Variants in MGAT4C observed in about 807,000 individuals in gnomAD.
MGAT4C encodes alpha-1,3-mannosyl-glycoprotein 4-beta-N-acetylglucosaminyltransferase C.
Under a neutral mutation model 40.1 loss-of-function variants are expected in MGAT4C, and 19 were observed. The ratio of observed to expected loss-of-function variants is 0.47; its 90% CI spans 0.33 to 0.70. The LOEUF (loss-of-function observed/expected upper bound fraction) is 0.70. MGAT4C is among the 30% of genes least tolerant of loss of function. MGAT4C has a pLI of 0.02. For missense variants in MGAT4C, 491 were observed against 563.2 expected (o/e 0.87, Z 1.30); for synonymous variants, 181 against 187.1 (o/e 0.97, Z 0.27).
At chr12:86,306,988 A>G (rs1953948982) in intron 4 of MGAT4C, among the ~76,000 whole-genome samples, 1 of 150,528 alleles carries the variant, frequency 6.6e-6, no homozygotes, top group Non-Finnish European at 1.5e-5. Flanking sequence ...TTTTAATAAG[A>G]AAAACTTACA....
chr12:86,272,507 AT>A (rs912219866), intron 4 of MGAT4C, among the ~76,000 whole-genome samples: 91 of 150,832 alleles, frequency 6.0e-4, no homozygotes, highest in Non-Finnish European at 1.0e-3. Context: ...CCTAAGAGAG[AT>A]TTTTTTTTTC....
intron 4 of MGAT4C, among the ~76,000 whole-genome samples, chr12:86,269,318 G>C (rs1351841180): frequency 1.3e-5 from 2 of 150,652 alleles, no homozygotes; most frequent in Non-Finnish European, 3.0e-5. Flanking sequence ...CTGAGATATG[G>C]GCTCATTTCT....
At chr12:86,363,432 A>T (rs1248625463) in intron 3 of MGAT4C, among the ~76,000 whole-genome samples, 1 of 152,180 alleles carries the variant, frequency 6.6e-6, no homozygotes, top group African/African-American at 2.4e-5. Context: ...ATAAAAATGC[A>T]ACATAAAATG....
chr12:86,632,691 G>A (rs1963097015), intron 2 of MGAT4C, among the ~76,000 whole-genome samples: 1 of 151,432 alleles, frequency 6.6e-6, no homozygotes, highest in African/African-American at 2.4e-5. Flanking sequence ...CTCGCTCATA[G>A]GTGGGAACTG....
chr12:86,130,098 A>C (rs910693092), intron 1 of MGAT4C, among the ~76,000 whole-genome samples: 2 of 152,190 alleles, frequency 1.3e-5, no homozygotes, highest in African/African-American at 4.8e-5. Flanking sequence ...GTTCCCTGAA[A>C]AGCAGATAAA....
chr12:86,344,184 A>C (rs956676689), intron 3 of MGAT4C, among the ~76,000 whole-genome samples: 1 of 152,230 alleles, frequency 6.6e-6, no homozygotes, highest in Non-Finnish European at 1.5e-5. Context: ...GGGTTGAAAA[A>C]TTCAAGGATG....
At chr12:86,214,576 C>T (rs1000924416) in intron 1 of MGAT4C, among the ~76,000 whole-genome samples, 10 of 152,130 alleles carry the variant, frequency 6.6e-5, no homozygotes, top group Admixed American at 5.9e-4. Context: ...TGAGATCCCT[C>T]CTCTTGGTTT....
At chr12:86,785,804 C>T (rs181544734) in intron 1 of MGAT4C, among the ~76,000 whole-genome samples, 5 of 148,388 alleles carry the variant, frequency 3.4e-5, no homozygotes, top group African/African-American at 7.4e-5. Context: ...TATAATATAA[C>T]ATAATAATCT....
At chr12:86,089,265 GA>G (rs1299558566) in intron 1 of MGAT4C, among the ~76,000 whole-genome samples, 2 of 151,814 alleles carry the variant, frequency 1.3e-5, no homozygotes, top group Admixed American at 1.3e-4. Context: ...AATTGTTGAA[GA>G]ATATTTTGAA....
At chr12:86,022,403 A>G (rs2136869750) in intron 2 of MGAT4C, 1 of 152,354 alleles carries the variant, frequency 6.6e-6, no homozygotes, top group Middle Eastern at 3.4e-3. Context: ...AAAGAAAAGT[A>G]AAGATTAATT....
chr12:86,128,931 C>A (rs1190492403), intron 1 of MGAT4C, among the ~76,000 whole-genome samples: 1 of 152,094 alleles, frequency 6.6e-6, no homozygotes, highest in Non-Finnish European at 1.5e-5. Context: ...AAAGGGTGTC[C>A]TTTCCCCACT....
chr12:86,030,479 C>T (rs1190863623), intron 2 of MGAT4C, among the ~76,000 whole-genome samples: 1 of 151,680 alleles, frequency 6.6e-6, no homozygotes, highest in African/African-American at 2.4e-5. Flanking sequence ...CACTGGTACA[C>T]TTGTATCAAA....
chr12:86,258,951 T>G (rs1024914819), upstream of MGAT4C, among the ~76,000 whole-genome samples: 4 of 151,942 alleles, frequency 2.6e-5, no homozygotes, highest in African/African-American at 9.7e-5. Flanking sequence ...AACTTCAAAT[T>G]TTGTATTTAT....
chr12:86,342,059 G>A (rs1400580247), intron 3 of MGAT4C, among the ~76,000 whole-genome samples: 2 of 152,002 alleles, frequency 1.3e-5, no homozygotes, highest in African/African-American at 4.8e-5. Flanking sequence ...TCTCTCTGGG[G>A]GGGACCTCTC....
At chr12:86,101,994 T>C (rs545746143) in intron 1 of MGAT4C, among the ~76,000 whole-genome samples, 1 of 152,100 alleles carries the variant, frequency 6.6e-6, no homozygotes, top group South Asian at 2.1e-4. Flanking sequence ...TAATGTTTCT[T>C]ATCCAAAATA....
chr12:86,216,617 T>C (rs1325482614), intron 1 of MGAT4C, among the ~76,000 whole-genome samples: 4 of 152,248 alleles, frequency 2.6e-5, no homozygotes, highest in Non-Finnish European at 5.9e-5. Flanking sequence ...AATATTTTTC[T>C]ATCTTTTTAT....
At chr12:86,378,251 C>A (rs1955867138) in intron 3 of MGAT4C, among the ~76,000 whole-genome samples, 1 of 150,392 alleles carries the variant, frequency 6.6e-6, no homozygotes, top group East Asian at 1.9e-4. Context: ...TATGGCAATT[C>A]TATTTTTAAT....
intron 1 of MGAT4C, among the ~76,000 whole-genome samples, chr12:86,774,281 C>CTCTTTCTTTCTTTCCTTCTTTCTT (rs1951693039): frequency 1.7e-5 from 1 of 58,934 alleles, no homozygotes; most frequent in African/African-American, 6.4e-5. Context: ...CTAAGGCTTG[C>CTCTTTCTTTCTTTCCTTCTTTCTT]TCTTTCTTTC....
intron 1 of MGAT4C, among the ~76,000 whole-genome samples, chr12:86,091,538 C>A (rs1872884463): frequency 6.6e-6 from 1 of 152,002 alleles, no homozygotes; most frequent in African/African-American, 2.4e-5. Context: ...ATACCAATGT[C>A]AGCATCTAGA....
Sources: gnomAD v4.1 joint callset for allele counts (sites outside exome capture counted in the v4.1 genomes callset) on GRCh38, gnomAD v4.1.1 for gene constraint, MANE v1.5 for transcripts, NCBI Gene and HGNC (gene_info 2026-07-23, HGNC 2026-07-21) for gene names.